The following KLF8 variants were observed in gnomAD, a reference collection of about 807,000 sequenced individuals.
KLF8 encodes the protein KLF transcription factor 8.
A neutral mutation model predicts 18.2 loss-of-function variants in KLF8; 10 were observed. The ratio of observed to expected loss-of-function variants is 0.55; its 90% CI spans 0.34 to 0.93. The LOEUF (loss-of-function observed/expected upper bound fraction) is 0.93. Ranked by LOEUF, KLF8 falls within the 40% of genes least tolerant of loss-of-function variation. KLF8 has a pLI of 0.02. For synonymous variants in KLF8, 109 were observed against 97.3 expected (o/e 1.12, Z -0.71); for missense variants, 264 against 277.9 (o/e 0.95, Z 0.36).
chrX:55,944,743 AGTG>A, the KLF8 span, among the ~76,000 whole-genome samples: 1 of 110,677 alleles, frequency 9.0e-6, no homozygotes, highest in African/African-American at 3.3e-5. Context: ...TAGTCTTGCT[AGTG>A]GTCTATCAAT....
At chrX:56,101,297 A>G in the KLF8 span, among the ~76,000 whole-genome samples, 4 of 111,486 alleles carry the variant, frequency 3.6e-5, no homozygotes, top group Admixed American at 1.9e-4. Flanking sequence ...AAAGGACATG[A>G]TTTTATTCTT....
chrX:56,057,012 G>T, the KLF8 span, among the ~76,000 whole-genome samples: 1 of 103,909 alleles, frequency 9.6e-6, no homozygotes, highest in East Asian at 3.3e-4. Flanking sequence ...GTGCACACTT[G>T]TCACCTGTGA....
At chrX:55,938,560 A>G in the KLF8 span, among the ~76,000 whole-genome samples, 1 of 111,590 alleles carries the variant, frequency 9.0e-6, no homozygotes, top group African/African-American at 3.3e-5. Flanking sequence ...AAATGCTCCA[A>G]TTAAAAGACA....
the KLF8 span, among the ~76,000 whole-genome samples, chrX:56,010,647 A>G: frequency 1.8e-5 from 2 of 111,899 alleles, no homozygotes; most frequent in African/African-American, 3.3e-5. Flanking sequence ...AAAATCCCCC[A>G]AGTAAAAGGC....
the KLF8 span, among the ~76,000 whole-genome samples, chrX:56,140,897 T>C: frequency 7.2e-5 from 8 of 110,511 alleles, no homozygotes; most frequent in South Asian, 3.1e-3. Flanking sequence ...CAACACAGGG[T>C]ATTATCAACT....
At chrX:55,920,334 A>C in the KLF8 span, among the ~76,000 whole-genome samples, 1 of 111,703 alleles carries the variant, frequency 9.0e-6, no homozygotes, top group Admixed American at 9.5e-5. Context: ...TACAAAAAAA[A>C]CAATTCTGGT....
chrX:55,987,627 G>T, the KLF8 span, among the ~76,000 whole-genome samples: 2 of 111,771 alleles, frequency 1.8e-5, no homozygotes, highest in Non-Finnish European at 3.8e-5. Context: ...TGGATCCAAG[G>T]CTTTGCTATT....
the KLF8 span, among the ~76,000 whole-genome samples, chrX:56,037,435 T>C: frequency 9.0e-6 from 1 of 111,629 alleles, no homozygotes; most frequent in South Asian, 3.7e-4. Flanking sequence ...TAGACTGAAT[T>C]AGGAAGAATT....
At chrX:56,208,428 CTT>C in the KLF8 span, among the ~76,000 whole-genome samples, 2 of 111,822 alleles carry the variant, frequency 1.8e-5, no homozygotes, top group South Asian at 7.4e-4. Flanking sequence ...AAAAAGCTAA[CTT>C]TTTGTTTCAC....
chrX:56,018,686 G>GTA, the KLF8 span, among the ~76,000 whole-genome samples: 21 of 110,398 alleles, frequency 1.9e-4, no homozygotes, highest in Non-Finnish European at 3.4e-4. Flanking sequence ...TATACTATAT[G>GTA]TATATATATA....
chrX:56,207,263 C>T, the KLF8 span, among the ~76,000 whole-genome samples: 1 of 112,660 alleles, frequency 8.9e-6, no homozygotes, highest in African/African-American at 3.2e-5. Flanking sequence ...GTTACTTGTG[C>T]AAATTTCTGC....
At chrX:55,957,158 C>T in the KLF8 span, among the ~76,000 whole-genome samples, 4 of 111,664 alleles carry the variant, frequency 3.6e-5, no homozygotes, top group Non-Finnish European at 5.7e-5. Context: ...GTCCTTTCCT[C>T]ATTGAGTGGT....
the KLF8 span, among the ~76,000 whole-genome samples, chrX:56,087,475 G>T: frequency 9.1e-6 from 1 of 110,455 alleles, no homozygotes; most frequent in Admixed American, 9.7e-5. Context: ...TGACATGCCT[G>T]TTCCCACTTT....
At chrX:56,270,404 CAG>C (rs757353500) in intron 5 of KLF8, 83 bp downstream of exon 5, 62,550 of 682,721 alleles carry the variant, frequency 0.092, no homozygotes, top group East Asian at 0.12. Flanking sequence ...GAGAGAGGGG[CAG>C]AGAGAGAGAG....
the KLF8 span, among the ~76,000 whole-genome samples, chrX:56,106,612 C>T: frequency 1.8e-5 from 2 of 111,925 alleles, no homozygotes; most frequent in East Asian, 5.6e-4. Flanking sequence ...AGCCGTTTGT[C>T]TAACCTTATT....
chrX:56,061,703 A>C, the KLF8 span, among the ~76,000 whole-genome samples: 1 of 111,128 alleles, frequency 9.0e-6, no homozygotes, highest in Admixed American at 9.6e-5. Flanking sequence ...AGCTGAGTTC[A>C]AGTCCTGAAT....
the KLF8 span, among the ~76,000 whole-genome samples, chrX:56,042,206 T>A: frequency 3.6e-4 from 40 of 112,058 alleles, no homozygotes; most frequent in African/African-American, 1.3e-3. Context: ...TTTCTTTACA[T>A]TGAGGTTTAA....
the KLF8 span, among the ~76,000 whole-genome samples, chrX:55,970,207 C>T: frequency 9.0e-6 from 1 of 110,577 alleles, no homozygotes. Flanking sequence ...TTCAGTAATA[C>T]GTTAAAAAGA....
At chrX:56,105,503 G>T in the KLF8 span, among the ~76,000 whole-genome samples, 1 of 109,281 alleles carries the variant, frequency 9.2e-6, no homozygotes, top group Non-Finnish European at 1.9e-5. Flanking sequence ...ATGAAACTGT[G>T]GTTTATCAAA....
Sources: gnomAD v4.1 joint callset for allele counts (sites outside exome capture counted in the v4.1 genomes callset) on GRCh38, gnomAD v4.1.1 for gene constraint, MANE v1.5 for transcripts, NCBI Gene and HGNC (gene_info 2026-07-23, HGNC 2026-07-21) for gene names.